NDC1: variants seen among roughly 807,000 people sequenced by gnomAD.
NDC1 encodes nucleoporin NDC1.
NDC1 carries 24 observed loss-of-function variants against 89.8 expected under a neutral mutation model. The ratio of observed to expected loss-of-function variants is 0.27; its 90% CI spans 0.19 to 0.38. The LOEUF (loss-of-function observed/expected upper bound fraction) is 0.38. NDC1 is among the 10% of genes least tolerant of loss of function. The pLI, the probability that NDC1 is intolerant of heterozygous loss-of-function variation, is 1.00. For synonymous variants in NDC1, 296 were observed against 284.8 expected (o/e 1.04, Z -0.39); for missense variants, 728 against 797.6 (o/e 0.91, Z 1.05).
At chr1:53,819,286 T>C (rs1019595415) in intron 5 of NDC1, among the ~76,000 whole-genome samples, 1 of 152,222 alleles carries the variant, frequency 6.6e-6, no homozygotes, top group Non-Finnish European at 1.5e-5. Context: ...CTCACTGATA[T>C]AAAATCAGAA....
intron 6 of NDC1, among the ~76,000 whole-genome samples, chr1:53,814,209 G>A (rs1321359328): frequency 6.6e-6 from 1 of 152,086 alleles, no homozygotes; most frequent in East Asian, 1.9e-4. Flanking sequence ...AAAAAATGTA[G>A]CCGGGCGTGG....
intron 1 of NDC1, among the ~76,000 whole-genome samples, chr1:53,837,899 G>A (rs552136218): frequency 6.6e-6 from 1 of 152,222 alleles, no homozygotes; most frequent in Middle Eastern, 3.4e-3. Context: ...TATTTATTTT[G>A]CACCTACTGG....
At position 53,818,978 on chromosome 1, in the gene NDC1, A is replaced by G. The variant is rs144238351; in HGVS notation, c.696T>C (p.Tyr232=). The G allele has an allele frequency of 9.1e-5, 132 of 1,451,874 alleles. No individual in the cohort carries two copies. The African/African-American group carries it at 1.8e-3, about 20-fold the overall frequency. 89.9% of individuals were successfully genotyped at this position (1,451,874 alleles called of 1,614,324 possible). The change falls in exon 6 of 18, where the codon TAT becomes TAC. Residue 232 remains tyrosine (Y), a synonymous_variant. Transcript: ENST00000371429. ...AAAAGCAGAAATTCTTACCAAGAAA[A>G]TAATATAAAATGCAGAAATTTCTAA... ...FLVRNFCILY[Y]FLGYIPKAWI...
intron 11 of NDC1, among the ~76,000 whole-genome samples, chr1:53,800,314 TC>T (rs1204716937): frequency 1.3e-5 from 2 of 149,342 alleles, no homozygotes; most frequent in East Asian, 4.0e-4. Context: ...TAAGTATCCT[TC>T]AATTAACTAC....
rs72662333 is a variant in NDC1 at position 53,829,704 on chromosome 1, G to T, written c.281-1531C>A. Among the ~76,000 whole-genome samples, 1,073 of 152,312 alleles carry T rather than the reference G, an allele frequency of 7.0e-3. 4 individuals are homozygous for T. The highest frequency in any genetic ancestry group is 8.4e-3 in the Non-Finnish European group (570 of 68,020). ...AAGTGAATAGTCAGGCTTTAAGAAG[G>T]ACTGGCTGGGGACCCCTCAACTGAC... On this transcript the variant is annotated intron_variant, in intron 3 of 17. Coordinates refer to ENST00000371429, the MANE Select transcript of NDC1 (RefSeq NM_018087.5).
chr1:53,816,937 T>C (rs1012600628), intron 6 of NDC1, among the ~76,000 whole-genome samples: 6 of 152,082 alleles, frequency 3.9e-5, no homozygotes, highest in African/African-American at 1.2e-4. Context: ...AAAACCACAA[T>C]GCAATACCAC....
At chr1:53,793,413 A>G (rs1371318606) in intron 13 of NDC1, 134 bp from the exon 14 acceptor site, 3 of 726,354 alleles carry the variant, frequency 4.1e-6, no homozygotes, top group East Asian at 2.5e-5. Context: ...GCAAAGAATA[A>G]TAATACTTAA....
chr1:53,774,123 T>C (rs148402893), intron 16 of NDC1, among the ~76,000 whole-genome samples: 358 of 152,336 alleles, frequency 2.4e-3, no homozygotes, highest in Middle Eastern at 0.014. Context: ...GATTTAAGTA[T>C]TATAAAATAC....
chr1:53,806,662 A>C, intron 8 of NDC1, 145 bp from the exon 9 acceptor site: 1 of 404,346 alleles, frequency 2.5e-6, no homozygotes, highest in Non-Finnish European at 4.3e-6. Context: ...AGTTACATAA[A>C]CCCAAACACA....
Position 53,817,994 on chromosome 1 carries a change from T to A in NDC1, c.703+977A>T, listed in dbSNP as rs143252797. ...ACAAGTTTCCCCTACCAACAAAATA[T>A]TTACATTGTATTAGTATCAAGTTAC... On this transcript the variant is annotated intron_variant, in intron 6 of 17. Coordinates refer to ENST00000371429, the MANE Select transcript of NDC1 (RefSeq NM_018087.5). Among the ~76,000 whole-genome samples, 534 of 152,292 alleles carry A rather than the reference T, an allele frequency of 3.5e-3. 4 individuals carry two copies. Among genetic ancestry groups the A allele is most frequent in the African/African-American group, 0.012 (504 of 41,550 alleles).
At chr1:53,824,822 AG>A (rs1648791263) in intron 5 of NDC1, among the ~76,000 whole-genome samples, 1 of 152,228 alleles carries the variant, frequency 6.6e-6, no homozygotes, top group South Asian at 2.1e-4. Context: ...GGAGACAGTA[AG>A]TGATATGTTC....
At chr1:53,796,869 T>A in intron 12 of NDC1, 30 bp downstream of exon 12, 1 of 1,608,114 alleles carries the variant, frequency 6.2e-7, no homozygotes, top group Non-Finnish European at 8.5e-7. Flanking sequence ...AACATGACAT[T>A]TAAAATCTTA....
rs985735319 is a variant in NDC1, at chr1:53,787,187, T to C, written c.1771A>G (p.Ile591Val). 1 of 1,610,018 alleles carries C rather than the reference T, an allele frequency of 6.2e-7. No homozygotes were observed. The highest frequency in any genetic ancestry group is 8.5e-7 in the Non-Finnish European group (1 of 1,177,900). Residue 591 changes from isoleucine (I) to valine (V), a missense_variant, in exon 16 of 18, where the codon ATC becomes GTC. By Grantham distance (29) the Ile-to-Val change is conservative. Transcript: ENST00000371429. ...TGCAGTGTCAACAAAGTATTAAGGA[T>C]AGCTGGTAGTGTCGTCTGGACAACT... is the stretch of plus-strand genomic sequence containing the variant. ...FGVVQTTLPA[I>V]LNTLLTLQEA...
chr1:53,822,194 C>T (rs1197078934), intron 5 of NDC1, among the ~76,000 whole-genome samples: 2 of 152,028 alleles, frequency 1.3e-5, no homozygotes, highest in African/African-American at 4.8e-5. Context: ...ATTAGTTGGG[C>T]GTGGTAGCGC....
intron 14 of NDC1, among the ~76,000 whole-genome samples, chr1:53,789,805 A>C (rs578114824): frequency 2.9e-4 from 44 of 151,090 alleles, no homozygotes; most frequent in Admixed American, 2.1e-3. Context: ...ATCTCAAAAA[A>C]AAAAAAAAAA....
intron 13 of NDC1, 109 bp downstream of exon 13, chr1:53,796,580 T>TTA: frequency 7.0e-6 from 3 of 430,488 alleles, no homozygotes; most frequent in South Asian, 4.3e-5. Flanking sequence ...ACACGAAGCA[T>TTA]AAAAAAAAAA....
intron 16 of NDC1, among the ~76,000 whole-genome samples, chr1:53,776,253 G>A (rs1482274505): frequency 6.6e-6 from 1 of 151,940 alleles, no homozygotes; most frequent in Non-Finnish European, 1.5e-5. Context: ...TACCGCGCCC[G>A]GTCCTGAAAT....
Position 53,816,356 on chromosome 1 carries a change from C to G in NDC1, c.703+2615G>C, listed in dbSNP as rs142041904. 9.2e-3 allele frequency among the ~76,000 whole-genome samples: 1,407 copies of G among 152,224 alleles called. 31 individuals carry two copies. The highest frequency in any genetic ancestry group is 0.032 in the African/African-American group (1,332 of 41,524). On this transcript the variant is annotated intron_variant, in intron 6 of 17. Transcript: ENST00000371429. ...AAAAACATAAAGTGGGGAAAGGACA[C>G]CCTTTTCAACAAATGATGCTGGGAT...
chr1:53,827,969 A>G (rs1486264689), intron 4 of NDC1, 30 bp downstream of exon 4: 4 of 1,529,728 alleles, frequency 2.6e-6, no homozygotes, highest in Non-Finnish European at 3.5e-6. Flanking sequence ...AGTAAATGAG[A>G]TTCCTAAGGA....
Sources: allele counts gnomAD v4.1 joint callset (sites outside exome capture counted in the v4.1 genomes callset), GRCh38; gene constraint gnomAD v4.1.1; transcripts MANE v1.5; gene names NCBI Gene and HGNC (gene_info 2026-07-23, HGNC 2026-07-21).